The following PTPRN2 variants were observed in gnomAD, a reference collection of about 807,000 sequenced individuals.
PTPRN2 encodes protein tyrosine phosphatase receptor type N2.
PTPRN2 carries 74 observed loss-of-function variants against 118.8 expected under a neutral mutation model. The observed-to-expected ratio is 0.62, with a 90% confidence interval of 0.52 to 0.76. PTPRN2 has a LOEUF of 0.76. Ranked by LOEUF, PTPRN2 falls within the 30% of genes least tolerant of loss-of-function variation. The pLI is 0.00. For missense variants in PTPRN2, 1,481 were observed against 1,394.4 expected (o/e 1.06, Z -0.99); for synonymous variants, 641 against 608.0 (o/e 1.05, Z -0.80).
intron 12 of PTPRN2, among the ~76,000 whole-genome samples, chr7:157,799,464 T>C (rs1421055493): frequency 6.6e-6 from 1 of 152,054 alleles, no homozygotes. Context: ...ACATTTCATT[T>C]TCCCCACCAG....
intron 9 of PTPRN2, among the ~76,000 whole-genome samples, chr7:158,132,466 C>T (rs1042061076): frequency 1.5e-4 from 3 of 20,072 alleles, no homozygotes; most frequent in African/African-American, 3.8e-4. Context: ...CGACACAACA[C>T]ACACTCGTAT....
At chr7:157,927,446 C>G (rs1478556785) in intron 11 of PTPRN2, among the ~76,000 whole-genome samples, 1 of 112,220 alleles carries the variant, frequency 8.9e-6, no homozygotes, top group Non-Finnish European at 1.7e-5. Context: ...GACCCCAAGA[C>G]AGGAAGCCCC....
chr7:158,109,060 AAGG>A, intron 10 of PTPRN2, among the ~76,000 whole-genome samples: 1 of 151,986 alleles, frequency 6.6e-6, no homozygotes, highest in South Asian at 2.1e-4. Flanking sequence ...CCCCTGTGTG[AAGG>A]AGACCGTGAG....
chr7:157,842,107 A>G (rs898123657), intron 12 of PTPRN2, among the ~76,000 whole-genome samples: 2 of 152,150 alleles, frequency 1.3e-5, no homozygotes, highest in African/African-American at 4.8e-5. Flanking sequence ...CCATGCATCC[A>G]TTTTAAATAA....
chr7:158,331,187 C>T (rs1262787966), intron 2 of PTPRN2, among the ~76,000 whole-genome samples: 1 of 71,156 alleles, frequency 1.4e-5, no homozygotes, highest in African/African-American at 5.5e-5. Context: ...AGCTGTCACA[C>T]GCAGACGTCA....
At chr7:157,830,168 T>C (rs1256457235) in intron 12 of PTPRN2, among the ~76,000 whole-genome samples, 1 of 150,952 alleles carries the variant, frequency 6.6e-6, no homozygotes, top group Non-Finnish European at 1.5e-5. Context: ...GGCTTCTCTG[T>C]GCCTGCTCAC....
At position 157,595,320 on chromosome 7, in the gene PTPRN2, A is replaced by G. The variant is rs73163814; in HGVS notation, c.2419-5T>C. ...GTTCCTCGGGTCGTGATCCATCTGC[A>G]GAGACAAGACCACACCACAGCGGTT... On this transcript the variant is annotated splice_polypyrimidine_tract_variant and splice_region_variant and intron_variant, in intron 16 of 22. Transcript: ENST00000389418. The G allele has an allele frequency of 0.13, 211,639 of 1,611,332 alleles. 15,896 individuals are homozygous for G. Among genetic ancestry groups the G allele is most frequent in the African/African-American group, 0.29 (21,426 of 74,646 alleles).
intron 9 of PTPRN2, among the ~76,000 whole-genome samples, chr7:158,113,477 G>A (rs1365744043): frequency 2.6e-5 from 4 of 152,114 alleles, no homozygotes; most frequent in South Asian, 2.1e-4. Context: ...AGAGGCCTTA[G>A]GCAGGAGTAG....
chr7:157,682,868 G>A lies in PTPRN2; in HGVS notation c.1858C>T (p.Leu620=). 6.2e-7 allele frequency: 1 copy of A among 1,614,034 alleles called. No individual in the cohort carries two copies. ...CCCAGGATGCAGGCGAGGGAGACCA[G>A]GGTGAGCGCGATGAACTTGGTGGAG... ...EDSTKFIALT[L]VSLACILGVL... Residue 620 remains leucine, a synonymous_variant, in exon 13 of 23, where the codon CTG becomes TTG. Transcript: ENST00000389418.
At chr7:158,239,261 G>T (rs901464786) in intron 3 of PTPRN2, among the ~76,000 whole-genome samples, 10 of 152,212 alleles carry the variant, frequency 6.6e-5, no homozygotes, top group Non-Finnish European at 8.8e-5. Context: ...CTGTCTCTCT[G>T]TGCAGGGAAG....
chr7:158,151,076 TG>T (rs1224592892), intron 6 of PTPRN2, among the ~76,000 whole-genome samples: 1 of 114,736 alleles, frequency 8.7e-6, no homozygotes, highest in African/African-American at 3.5e-5. Context: ...TTTCCACTCT[TG>T]CCCCTGCCTG....
At chr7:157,924,703 C>T (rs976638442) in intron 11 of PTPRN2, among the ~76,000 whole-genome samples, 2 of 152,252 alleles carry the variant, frequency 1.3e-5, no homozygotes, top group Non-Finnish European at 2.9e-5. Flanking sequence ...GCCAGGAGGC[C>T]ACTGCCTATG....
chr7:158,549,124 A>G (rs1200630003), intron 1 of PTPRN2, among the ~76,000 whole-genome samples: 1 of 152,252 alleles, frequency 6.6e-6, no homozygotes, highest in Non-Finnish European at 1.5e-5. Context: ...CAAGCGGGAA[A>G]GAATGGGGCT....
At chr7:158,481,787 T>C (rs1370007304) in intron 2 of PTPRN2, among the ~76,000 whole-genome samples, 1 of 152,192 alleles carries the variant, frequency 6.6e-6, no homozygotes, top group Non-Finnish European at 1.5e-5. Flanking sequence ...GAAACACACT[T>C]TGTAAGATGA....
At chr7:157,667,967 C>T (rs1411184411) in intron 13 of PTPRN2, among the ~76,000 whole-genome samples, 2 of 152,260 alleles carry the variant, frequency 1.3e-5, no homozygotes, top group Non-Finnish European at 2.9e-5. Context: ...ACCATCCCCG[C>T]AGGACAGTGC....
chr7:158,343,738 C>G (rs1188377589), intron 2 of PTPRN2, among the ~76,000 whole-genome samples: 4 of 150,086 alleles, frequency 2.7e-5, no homozygotes, highest in Admixed American at 6.7e-5. Context: ...CGCGGCTGCT[C>G]CCGGTGGAAT....
intron 13 of PTPRN2, among the ~76,000 whole-genome samples, chr7:157,669,876 G>A (rs933281947): frequency 3.9e-5 from 6 of 152,110 alleles, no homozygotes; most frequent in East Asian, 3.9e-4. Context: ...GCATCCAGGC[G>A]TGTGCTGTTT....
intron 17 of PTPRN2, among the ~76,000 whole-genome samples, chr7:157,578,626 A>G (rs928027774): frequency 5.9e-5 from 9 of 152,256 alleles, no homozygotes; most frequent in African/African-American, 1.9e-4. Context: ...CACTGCTGCA[A>G]TTTCATTTGT....
chr7:157,738,535 T>C (rs1004003729), intron 12 of PTPRN2, among the ~76,000 whole-genome samples: 6 of 152,238 alleles, frequency 3.9e-5, no homozygotes, highest in Non-Finnish European at 5.9e-5. Flanking sequence ...GGGTTGTTTG[T>C]GGTGCAGCCA....
Sources: gnomAD v4.1 joint callset for allele counts (sites outside exome capture counted in the v4.1 genomes callset) on GRCh38, gnomAD v4.1.1 for gene constraint, MANE v1.5 for transcripts, NCBI Gene and HGNC (gene_info 2026-07-23, HGNC 2026-07-21) for gene names.